BAZ2B: variants seen among roughly 807,000 people sequenced by gnomAD.
BAZ2B encodes the protein bromodomain adjacent to zinc finger domain protein 2B.
Under a neutral mutation model 246.0 loss-of-function variants are expected in BAZ2B, and 91 were observed. That is an observed-to-expected ratio of 0.37 (90% CI 0.31 to 0.44). The LOEUF (loss-of-function observed/expected upper bound fraction) is 0.44. BAZ2B is among the 20% of genes least tolerant of loss of function. The pLI is 1.00. For synonymous variants in BAZ2B, 855 were observed against 860.0 expected (o/e 0.99, Z 0.10); for missense variants, 2,332 against 2,533.7 (o/e 0.92, Z 1.71).
At chr2:159,661,110 C>A in the BAZ2B span, among the ~76,000 whole-genome samples, 1 of 152,134 alleles carries the variant, frequency 6.6e-6, no homozygotes, top group Non-Finnish European at 1.5e-5. Flanking sequence ...TTCTTCCTGT[C>A]CCCAGGCAAC....
intron 2 of BAZ2B, among the ~76,000 whole-genome samples, chr2:159,527,408 T>A (rs181919534): frequency 4.9e-4 from 75 of 152,310 alleles, no homozygotes; most frequent in Middle Eastern, 3.4e-3. Flanking sequence ...GTTTGTTTTT[T>A]CATCATCTTA....
chr2:159,342,797 T>A (rs746572362), intron 31 of BAZ2B, among the ~76,000 whole-genome samples: 5 of 152,132 alleles, frequency 3.3e-5, no homozygotes, highest in Non-Finnish European at 7.3e-5. Context: ...GATACAATCA[T>A]GCTTATGGAT....
chr2:159,440,786 G>C (rs1227198924), intron 6 of BAZ2B, among the ~76,000 whole-genome samples: 2 of 152,032 alleles, frequency 1.3e-5, no homozygotes, highest in Non-Finnish European at 2.9e-5. Flanking sequence ...CGGGATTACA[G>C]GTGTGAGCCA....
intron 4 of BAZ2B, among the ~76,000 whole-genome samples, chr2:159,452,873 G>A (rs2075271956): frequency 6.6e-6 from 1 of 152,194 alleles, no homozygotes; most frequent in Non-Finnish European, 1.5e-5. Context: ...GCCGAGGTGG[G>A]CGGATCACTT....
At chr2:159,673,044 C>CA in the BAZ2B span, among the ~76,000 whole-genome samples, 2 of 151,932 alleles carry the variant, frequency 1.3e-5, no homozygotes, top group Admixed American at 6.6e-5. Flanking sequence ...TTCTGCATGG[C>CA]AAAAAACATC....
At chr2:159,477,012 A>C (rs1270257973) in intron 3 of BAZ2B, among the ~76,000 whole-genome samples, 1 of 152,202 alleles carries the variant, frequency 6.6e-6, no homozygotes, top group Non-Finnish European at 1.5e-5. Context: ...ATTTTTAAAA[A>C]ATATATAGTG....
Position 159,395,831 on chromosome 2 carries a change from G to A in BAZ2B, c.3013C>T (p.Arg1005Ter), listed in dbSNP as rs1207660983. ...ATCATGTGTTGTCGCCTTCGCTCTC[G>A]TTCCTATTAGGCCAGATAAAATGTG... The part of the protein sequence containing the change: ...QQAVLLKHQE[R>*]ERRRQHMMLM... Residue 1005 changes from arginine to a stop codon, truncating the protein, a stop_gained, in exon 20 of 37, where the codon CGA becomes TGA. Coordinates refer to ENST00000392783, the MANE Select transcript of BAZ2B (RefSeq NM_013450.4). LOFTEE classifies it high-confidence loss of function. 6.2e-7 allele frequency: 1 copy of A among 1,608,804 alleles called. No individual in the cohort carries two copies. The highest frequency in any genetic ancestry group is 1.3e-5 in the African/African-American group (1 of 74,640).
Position 159,491,695 on chromosome 2 carries a change from C to T in BAZ2B, c.-2-12974G>A, listed in dbSNP as rs373868855. On this transcript the variant is annotated intron_variant, in intron 2 of 36. Transcript: ENST00000392783. ...GAGATCCCGCCACTGCACTCCAGCCCGGGCGACAGAGCGAGACTCCGTCTC... is the reference window on the plus strand; with the variant it reads ...GAGATCCCGCCACTGCACTCCAGCCTGGGCGACAGAGCGAGACTCCGTCTC... Among the ~76,000 whole-genome samples, 862 of 109,068 alleles carry T rather than the reference C, an allele frequency of 7.9e-3. 8 individuals carry two copies. Among genetic ancestry groups the T allele is most frequent in the African/African-American group, 0.03 (796 of 26,462 alleles). The allele number at this position is 109,068 out of a possible 152,430, so 71.6% of individuals were successfully genotyped here.
the BAZ2B span, among the ~76,000 whole-genome samples, chr2:159,668,690 A>C: frequency 6.6e-6 from 1 of 151,764 alleles, no homozygotes; most frequent in Admixed American, 6.6e-5. Context: ...TCTTCCTTCT[A>C]CTTAGTTTAG....
chr2:159,429,064 C>A (rs12473781), intron 11 of BAZ2B, 136 bp downstream of exon 11: 1 of 530,934 alleles, frequency 1.9e-6, no homozygotes, highest in Non-Finnish European at 3.1e-6. Flanking sequence ...CCCTTTGCTC[C>A]GGCTCTTCTG....
chr2:159,462,825 T>A, intron 3 of BAZ2B: 1 of 1,546,274 alleles, frequency 6.5e-7, no homozygotes, highest in Non-Finnish European at 8.9e-7. Context: ...GTTTTTAGCA[T>A]AAACAGTACA....
the BAZ2B span, among the ~76,000 whole-genome samples, chr2:159,640,753 C>T: frequency 6.6e-6 from 1 of 150,684 alleles, no homozygotes; most frequent in South Asian, 2.1e-4. Context: ...AGAAGAAAAA[C>T]TTCAAATAAA....
At chr2:159,551,338 G>A (rs1454307119) in intron 2 of BAZ2B, among the ~76,000 whole-genome samples, 1 of 151,732 alleles carries the variant, frequency 6.6e-6, no homozygotes, top group African/African-American at 2.4e-5. Context: ...GCGTGGTGGC[G>A]GAAACCTGTA....
intron 1 of BAZ2B, among the ~76,000 whole-genome samples, chr2:159,569,538 G>T (rs13003234): frequency 0.062 from 9,499 of 152,060 alleles, 391 homozygotes; most frequent in Middle Eastern, 0.14. Context: ...GCATTTTTTT[G>T]AGAGTTGGTA....
At chr2:159,359,669 C>T (rs886075969) in intron 27 of BAZ2B, among the ~76,000 whole-genome samples, 1 of 152,152 alleles carries the variant, frequency 6.6e-6, no homozygotes, top group Non-Finnish European at 1.5e-5. Context: ...AAATTTCAGG[C>T]CAATATCCCT....
Position 159,433,134 on chromosome 2 carries a change from G to A in BAZ2B, c.1523C>T (p.Ala508Val), listed in dbSNP as rs758513307. 6.2e-7 allele frequency: 1 copy of A among 1,614,188 alleles called. No individual in the cohort carries two copies. The highest frequency in any genetic ancestry group is 8.5e-7 in the Non-Finnish European group (1 of 1,180,028). The change falls in exon 9 of 37, where the codon GCA (alanine) becomes GTA (valine). Residue 508 changes from alanine (A) to valine (V), a missense_variant. By Grantham distance (64) the Ala-to-Val change is moderately conservative (BLOSUM62 0). This residue lies in a region of BAZ2B where 651 missense variants were observed against 650.9 expected (regional missense o/e 1.00). Coordinates refer to ENST00000392783, the MANE Select transcript of BAZ2B (RefSeq NM_013450.4). ...CTGCATTTTAGTTTTGGTAGTAAGT[G>A]CTAGAGGAGCTTCTTGAATGACACT... Reference protein sequence around the residue: ...IQSVIQEAPLALTTKTKMQSK... With the variant: ...IQSVIQEAPLVLTTKTKMQSK...
intron 2 of BAZ2B, among the ~76,000 whole-genome samples, chr2:159,514,578 A>G (rs2151207828): frequency 1.3e-5 from 2 of 152,298 alleles, no homozygotes; most frequent in African/African-American, 2.4e-5. Flanking sequence ...TCCAAAATAT[A>G]AACACAATGG....
intron 36 of BAZ2B, 118 bp downstream of exon 36, chr2:159,324,688 ACCTGC>A: frequency 2.7e-6 from 1 of 365,060 alleles, no homozygotes. Flanking sequence ...ACACACACAC[ACCTGC>A]CTCAAAGGCA....
At chr2:159,573,063 A>G (rs1684412269) in intron 1 of BAZ2B, among the ~76,000 whole-genome samples, 1 of 152,248 alleles carries the variant, frequency 6.6e-6, no homozygotes, top group South Asian at 2.1e-4. Context: ...ATAGTTTTCT[A>G]GAAAACTGAA....
Sources: gnomAD v4.1 joint callset for allele counts (sites outside exome capture counted in the v4.1 genomes callset) on GRCh38, gnomAD v4.1.1 for gene constraint, gnomAD v4.1.1 regional missense constraint, MANE v1.5 for transcripts, NCBI Gene and HGNC (gene_info 2026-07-23, HGNC 2026-07-21) for gene names.